ZNF410: variants seen among roughly 807,000 people sequenced by gnomAD.
ZNF410 encodes the protein zinc finger protein 410.
Under a neutral mutation model 54.8 loss-of-function variants are expected in ZNF410, and 18 were observed. That is an observed-to-expected ratio of 0.33 (90% CI 0.23 to 0.49). The LOEUF (loss-of-function observed/expected upper bound fraction) is 0.49. ZNF410 is among the 20% of genes least tolerant of loss of function. The pLI is 0.99. For missense variants in ZNF410, 405 were observed against 569.6 expected (o/e 0.71, Z 2.94); for synonymous variants, 191 against 207.3 (o/e 0.92, Z 0.68).
intron 7 of ZNF410, 58 bp from the exon 8 acceptor site, chr14:73,909,283 A>G (rs1446644280): frequency 1.4e-6 from 2 of 1,416,750 alleles, no homozygotes; most frequent in Non-Finnish European, 2.0e-6. Context: ...GGGAAAAGAG[A>G]GTAACAGGTA....
At chr14:73,928,418 GTC>G (rs1202839813) in intron 11 of ZNF410, among the ~76,000 whole-genome samples, 1 of 152,156 alleles carries the variant, frequency 6.6e-6, no homozygotes, top group Admixed American at 6.5e-5. Context: ...AGATAAGCTA[GTC>G]TCTTGAAAGG....
At chr14:73,909,562 A>G (rs1268396206) in intron 8 of ZNF410, 132 bp downstream of exon 8, 2 of 653,966 alleles carry the variant, frequency 3.1e-6, no homozygotes, top group Non-Finnish European at 5.1e-6. Flanking sequence ...TCTCATCATC[A>G]TGACAGAATC....
intron 5 of ZNF410, chr14:73,903,698 C>T (rs1315746711): frequency 6.9e-6 from 3 of 436,360 alleles, no homozygotes; most frequent in African/African-American, 2.0e-5. Context: ...TATGGTTTCA[C>T]CATGTTGCCC....
intron 1 of ZNF410, chr14:73,887,293 G>A (rs909958430): frequency 3.9e-5 from 6 of 152,320 alleles, no homozygotes. Context: ...TTTGTGGTGT[G>A]GGGTAGAGGA....
intron 8 of ZNF410, among the ~76,000 whole-genome samples, chr14:73,917,897 G>A (rs1854069863): frequency 6.6e-6 from 1 of 152,074 alleles, no homozygotes; most frequent in Non-Finnish European, 1.5e-5. Context: ...TATCTGTGGT[G>A]TATAGGTTCC....
At chr14:73,926,067 C>A (rs1245085866) in intron 11 of ZNF410, among the ~76,000 whole-genome samples, 1 of 152,060 alleles carries the variant, frequency 6.6e-6, no homozygotes, top group Non-Finnish European at 1.5e-5. Flanking sequence ...TTATACTGTT[C>A]TTGTTTTATC....
chr14:73,910,861 C>CAAA (rs540690694), intron 8 of ZNF410, among the ~76,000 whole-genome samples: 2 of 68,616 alleles, frequency 2.9e-5, no homozygotes, highest in East Asian at 3.1e-4. Context: ...GACCCTGTCT[C>CAAA]AAAAAAAAAA....
chr14:73,921,616 T>TATA (rs1321317908), intron 9 of ZNF410, among the ~76,000 whole-genome samples: 1 of 152,210 alleles, frequency 6.6e-6, no homozygotes, highest in East Asian at 1.9e-4. Context: ...TAGCTGGGAT[T>TATA]ATAGGCAGGT....
intron 8 of ZNF410, chr14:73,916,698 G>C (rs562670429): frequency 1.3e-5 from 2 of 152,242 alleles, no homozygotes; most frequent in South Asian, 4.1e-4. Flanking sequence ...CGTTGGCAGG[G>C]CGCAGTGGTT....
At position 73,932,015 on chromosome 14, in the gene ZNF410, CTT is replaced by C. The variant is rs996859383; in HGVS notation, c.*475_*476del. ...TGAAGAAGGGAGTGATGTCAATTCT[CTT>C]GTTACATTCTCCCTTTAGCAACCTG... On this transcript the variant is annotated 3_prime_UTR_variant, in exon 12 of 12. Transcript: ENST00000555044. The C allele has an allele frequency of 2.2e-6, 1 of 456,372 alleles. No individual in the cohort carries two copies. The highest frequency in any genetic ancestry group is 4.4e-6 in the Non-Finnish European group (1 of 226,818). 28.3% of individuals were successfully genotyped at this position (456,372 alleles called of 1,614,324 possible). A position where few individuals can be genotyped will look rare whatever the true frequency, so the allele number is the denominator to read the frequency against.
At chr14:73,904,179 G>C in intron 6 of ZNF410, 69 bp downstream of exon 6, 1 of 1,540,616 alleles carries the variant, frequency 6.5e-7, no homozygotes, top group South Asian at 1.3e-5. Context: ...AGAGGAACTT[G>C]CCCCTCAGGT....
chr14:73,888,354 T>C (rs1287228410), intron 1 of ZNF410: 2 of 151,988 alleles, frequency 1.3e-5, no homozygotes, highest in African/African-American at 2.4e-5. Context: ...AAGAGATGAC[T>C]AGAGAAAAAT....
At chr14:73,889,431 CAAAAAAAAAAA>C (rs11330316) in intron 1 of ZNF410, among the ~76,000 whole-genome samples, 2 of 84,980 alleles carry the variant, frequency 2.4e-5, no homozygotes, top group African/African-American at 8.0e-5. Flanking sequence ...GACTCAGTCT[CAAAAAAAAAAA>C]AAAAAAAAAA....
At chr14:73,928,210 G>A (rs548498181) in intron 11 of ZNF410, among the ~76,000 whole-genome samples, 3 of 152,308 alleles carry the variant, frequency 2.0e-5, no homozygotes, top group South Asian at 2.1e-4. Flanking sequence ...TAGAGTTTAA[G>A]TTGAGATGGG....
At chr14:73,905,974 T>C (rs71426983) in intron 7 of ZNF410, among the ~76,000 whole-genome samples, 24,757 of 76,036 alleles carry the variant, frequency 0.33, 2,738 homozygotes, top group Non-Finnish European at 0.4. Flanking sequence ...CACACATATA[T>C]ATATATATAT....
At chr14:73,929,943 A>G (rs1434924225) in intron 11 of ZNF410, among the ~76,000 whole-genome samples, 2 of 152,168 alleles carry the variant, frequency 1.3e-5, no homozygotes, top group African/African-American at 2.4e-5. Flanking sequence ...TGGAGGACTC[A>G]TTGCACAGGC....
rs1362105282 is a variant in ZNF410 at position 73,896,505 on chromosome 14, C to G, written c.359C>G (p.Ser120Cys). The change falls in exon 4 of 12, where the codon TCT becomes TGT. Residue 120 changes from serine (S) to cysteine (C), a missense_variant. Ser to Cys is a moderately radical substitution (Grantham distance 112, BLOSUM62 -1). This residue lies in a region of ZNF410 where 247 missense variants were observed against 342.8 expected (regional missense o/e 0.72). Coordinates refer to ENST00000555044, the MANE Select transcript of ZNF410 (RefSeq NM_021188.3). ...LQDLQPSDST[S>C]FILLNLTRAG... Reference sequence around the variant, plus strand: ...GATCTACAGCCAAGTGATAGCACTTCTTTTATTCTTCTTAACCTAACAAGA... The same window carrying G: ...GATCTACAGCCAAGTGATAGCACTTGTTTTATTCTTCTTAACCTAACAAGA... 6.2e-7 allele frequency: 1 copy of G among 1,613,980 alleles called. No individual in the cohort carries two copies. The highest frequency in any genetic ancestry group is 8.5e-7 in the Non-Finnish European group (1 of 1,180,016).
intron 1 of ZNF410, among the ~76,000 whole-genome samples, chr14:73,889,801 T>G (rs1266479574): frequency 2.1e-5 from 2 of 93,742 alleles, no homozygotes; most frequent in Non-Finnish European, 5.2e-5. Context: ...GTTAGTTTTT[T>G]TTTTTTTTTT....
chr14:73,923,632 C>T (rs774772116), intron 11 of ZNF410, 110 bp downstream of exon 11: 26 of 1,398,822 alleles, frequency 1.9e-5, no homozygotes, highest in Middle Eastern at 4.8e-4. Flanking sequence ...AACTTTGGCA[C>T]GAATATTTTC....
Sources: gnomAD v4.1 joint callset for allele counts (sites outside exome capture counted in the v4.1 genomes callset) on GRCh38, gnomAD v4.1.1 for gene constraint, gnomAD v4.1.1 regional missense constraint, MANE v1.5 for transcripts, NCBI Gene and HGNC (gene_info 2026-07-23, HGNC 2026-07-21) for gene names.